TLN2: variants seen among roughly 807,000 people sequenced by gnomAD.
TLN2 encodes talin-2.
Under a neutral mutation model 294.7 loss-of-function variants are expected in TLN2, and 118 were observed. The observed-to-expected ratio is 0.40, with a 90% CI of 0.34 to 0.47. The LOEUF (loss-of-function observed/expected upper bound fraction) is 0.47. Ranked by LOEUF, TLN2 falls within the 20% of genes least tolerant of loss-of-function variation. The probability of loss-of-function intolerance (pLI) is 0.84; values close to 1 mark genes in which losing one functional copy is unlikely to be tolerated. For missense variants in TLN2, 3,083 were observed against 3,282.2 expected, an observed-to-expected ratio of 0.94 and a Z score of 1.48; for synonymous variants, 1,431 against 1,304.5, an observed-to-expected ratio of 1.10 and a Z score of -2.09.
intron 36 of TLN2, 151 bp downstream of exon 36, chr15:62,754,067 G>A: frequency 9.0e-7 from 1 of 1,105,664 alleles, no homozygotes; most frequent in Non-Finnish European, 1.2e-6. Flanking sequence ...GACTCAGGTG[G>A]GAGCAAATAT....
chr15:62,677,806 C>CTTTTTTTTT (rs3055781), intron 11 of TLN2, among the ~76,000 whole-genome samples: 2,586 of 75,096 alleles, frequency 0.034, 520 homozygotes, highest in African/African-American at 0.12. Flanking sequence ...GCACTTGCAA[C>CTTTTTTTTT]TTTTTTTTTT....
At chr15:62,415,837 G>A (rs1033490758) in intron 1 of TLN2, among the ~76,000 whole-genome samples, 6 of 152,218 alleles carry the variant, frequency 3.9e-5, no homozygotes, top group African/African-American at 1.4e-4. Context: ...TTAGGATCTC[G>A]GAGTTGTGGG....
chr15:62,693,026 A>C (rs2058048264), intron 13 of TLN2, 85 bp downstream of exon 13: 2 of 1,169,382 alleles, frequency 1.7e-6, no homozygotes, highest in Non-Finnish European at 2.5e-6. Flanking sequence ...TTGAAAAAAA[A>C]ATCCTCTTAA....
rs182305284 is a variant in TLN2, at chr15:62,399,381, G to A, written c.-238+8696G>A. ...GGGCAGTGCAGAAGGAAAATGTGGG[G>A]TCGGAACCCCCACACAGAGTCCCCA... On this transcript the variant is annotated intron_variant, in intron 1 of 58. Transcript: ENST00000636159. Among the ~76,000 whole-genome samples, 252 of 152,140 alleles carry A rather than the reference G, an allele frequency of 1.7e-3. 1 individual carries two copies. The highest frequency in any genetic ancestry group is 5.8e-3 in the African/African-American group (242 of 41,508).
At chr15:62,826,984 A>AGAT (rs1389174709) in intron 54 of TLN2, among the ~76,000 whole-genome samples, 2 of 152,224 alleles carry the variant, frequency 1.3e-5, no homozygotes, top group African/African-American at 4.8e-5. Context: ...CCCACTGGAA[A>AGAT]GATGACACGG....
At chr15:62,647,897 A>T (rs1596484741) in intron 4 of TLN2, among the ~76,000 whole-genome samples, 1 of 148,596 alleles carries the variant, frequency 6.7e-6, no homozygotes. Flanking sequence ...CTCAAACCTT[A>T]AAAAAAAAGA....
intron 7 of TLN2, 102 bp downstream of exon 7, chr15:62,653,416 G>T: frequency 7.3e-7 from 1 of 1,369,600 alleles, no homozygotes; most frequent in Non-Finnish European, 9.6e-7. Flanking sequence ...TTTGATTTTT[G>T]TTTTTAAAAC....
At chr15:62,808,008 C>T (rs1173860663) in intron 51 of TLN2, among the ~76,000 whole-genome samples, 1 of 152,164 alleles carries the variant, frequency 6.6e-6, no homozygotes, top group Non-Finnish European at 1.5e-5. Flanking sequence ...GAGTGGTGGT[C>T]AAGACGGAAG....
chr15:62,574,471 C>T (rs2044206426), intron 1 of TLN2, among the ~76,000 whole-genome samples: 1 of 150,806 alleles, frequency 6.6e-6, no homozygotes, highest in Non-Finnish European at 1.5e-5. Context: ...GCTCCAGGTA[C>T]TCAGGAGACT....
At chr15:62,474,796 A>G (rs182964405) in intron 1 of TLN2, among the ~76,000 whole-genome samples, 1 of 152,316 alleles carries the variant, frequency 6.6e-6, no homozygotes, top group Admixed American at 6.5e-5. Flanking sequence ...AATGAGCTGT[A>G]GGTTAGACTC....
chr15:62,633,335 T>A (rs538198803), intron 3 of TLN2, among the ~76,000 whole-genome samples: 14 of 152,240 alleles, frequency 9.2e-5, no homozygotes, highest in Non-Finnish European at 1.8e-4. Context: ...CTTGCTCTGT[T>A]ACTCAGGCTG....
At chr15:62,649,905 TC>T in intron 4 of TLN2, 178 bp from the exon 5 acceptor site, 2 of 574,212 alleles carry the variant, frequency 3.5e-6, no homozygotes, top group East Asian at 5.8e-5. Context: ...GCAACTCAAC[TC>T]TTACTCCTCC....
intron 2 of TLN2, among the ~76,000 whole-genome samples, chr15:62,593,501 T>A (rs1315398490): frequency 1.3e-5 from 2 of 152,250 alleles, no homozygotes; most frequent in East Asian, 3.8e-4. Context: ...TGTTCATCAG[T>A]TAATTTCTTT....
At chr15:62,763,225 T>C (rs56291304) in intron 39 of TLN2, 25,851 of 115,716 alleles carry the variant, frequency 0.22, 1,573 homozygotes, top group East Asian at 0.29. Flanking sequence ...TTTTTTTTCT[T>C]TTTTTTTTTT....
chr15:62,555,244 T>C (rs944563674), intron 1 of TLN2, among the ~76,000 whole-genome samples: 7 of 152,328 alleles, frequency 4.6e-5, no homozygotes, highest in Non-Finnish European at 8.8e-5. Context: ...TTAATTTTAT[T>C]CCTAAAAAAT....
chr15:62,733,519 T>G (rs1017734828), intron 28 of TLN2, among the ~76,000 whole-genome samples: 3 of 152,196 alleles, frequency 2.0e-5, no homozygotes, highest in African/African-American at 7.2e-5. Context: ...TATTTCTGTA[T>G]AGCTGATTAC....
intron 2 of TLN2, among the ~76,000 whole-genome samples, chr15:62,602,325 A>G (rs545017432): frequency 2.7e-4 from 41 of 152,336 alleles, no homozygotes; most frequent in Non-Finnish European, 4.7e-4. Flanking sequence ...TGCATACACA[A>G]CAGTATATTC....
At chr15:62,786,190 C>G (rs1320809709) in intron 45 of TLN2, among the ~76,000 whole-genome samples, 1 of 152,114 alleles carries the variant, frequency 6.6e-6, no homozygotes, top group African/African-American at 2.4e-5. Context: ...GTTTTTTATT[C>G]CAAGATCGTG....
intron 45 of TLN2, 78 bp downstream of exon 45, chr15:62,783,968 G>A: frequency 6.3e-7 from 1 of 1,589,392 alleles, no homozygotes; most frequent in South Asian, 1.1e-5. Flanking sequence ...TCATAGCTTA[G>A]CTCCACTCTG....
Sources: allele counts gnomAD v4.1 joint callset (sites outside exome capture counted in the v4.1 genomes callset), GRCh38; gene constraint gnomAD v4.1.1; transcripts MANE v1.5; gene names NCBI Gene and HGNC (gene_info 2026-07-23, HGNC 2026-07-21).